DPF3: variants seen among roughly 807,000 people sequenced by gnomAD.
The protein encoded by DPF3 is double PHD fingers 3.
Under a neutral mutation model 56.8 loss-of-function variants are expected in DPF3, and 18 were observed. The observed-to-expected ratio is 0.32, with a 90% CI of 0.22 to 0.47. The LOEUF is 0.47. DPF3 is among the 20% of genes least tolerant of loss of function. The probability of loss-of-function intolerance (pLI) is 1.00; values close to 1 mark genes in which losing one functional copy is unlikely to be tolerated. For synonymous variants in DPF3, 188 were observed against 180.2 expected (o/e 1.04, Z -0.35); for missense variants, 403 against 488.8 (o/e 0.82, Z 1.65).
intron 8 of DPF3, chr14:72,662,147 A>G (rs534080817): frequency 1.3e-5 from 13 of 985,280 alleles, no homozygotes; most frequent in Non-Finnish European, 1.6e-5. Context: ...AGACTTTTGA[A>G]GGAGGAAAAA....
At position 72,658,398 on chromosome 14, in the gene DPF3, G is replaced by C. The variant is rs141748404; in HGVS notation, c.871+15842C>G. ...TTTAATGAAAGGAAGTTCTGAAACT[G>C]ATGATTTAGGGATATAATAAAACTC... On this transcript the variant is annotated intron_variant, in intron 8 of 10. Coordinates refer to ENST00000556509, the MANE Select transcript of DPF3 (RefSeq NM_001280542.3). Among the ~76,000 whole-genome samples, 1,117 of 152,194 alleles carry C rather than the reference G, an allele frequency of 7.3e-3. 23 individuals are homozygous for C. The highest frequency in any genetic ancestry group is 0.026 in the African/African-American group (1,077 of 41,526).
In DPF3 at chr14:72,753,294, G is replaced by C. The variant is rs772716056; in HGVS notation, c.271C>G (p.Pro91Ala). The C allele has an allele frequency of 8.3e-5, 134 of 1,613,600 alleles. No homozygotes were observed. The highest frequency in any genetic ancestry group is 1.1e-4 in the Non-Finnish European group (131 of 1,179,846). The change falls in exon 3 of 11, where the codon CCA becomes GCA. Residue 91 changes from proline (P) to alanine (A), a missense_variant. By Grantham distance (27) the Pro-to-Ala change is conservative. Around this residue, in one of 2 missense-constraint regions of DPF3, gnomAD observed 340 missense variants for 374.3 expected, o/e 0.91. Transcript: ENST00000556509. Reference sequence around the variant, plus strand: ...TTTATCTCCAGCAGCCGCAGTTTTGGATCTTCAGGTGGGTGCAATCGTCTC... The same window carrying C: ...TTTATCTCCAGCAGCCGCAGTTTTGCATCTTCAGGTGGGTGCAATCGTCTC... The part of the protein sequence containing the change: ...KKRRLHPPED[P>A]KLRLLEIKPE...
Sources: gnomAD v4.1 joint callset for allele counts (sites outside exome capture counted in the v4.1 genomes callset) on GRCh38, gnomAD v4.1.1 for gene constraint, gnomAD v4.1.1 regional missense constraint, MANE v1.5 for transcripts, NCBI Gene and HGNC (gene_info 2026-07-23, HGNC 2026-07-21) for gene names.